EIPR1: variants seen among roughly 807,000 people sequenced by gnomAD.
EIPR1 encodes EARP and GARP complex-interacting protein 1.
In EIPR1, 25 loss-of-function variants were observed where a neutral mutation model predicts 48.1. That is an observed-to-expected ratio of 0.52 (90% CI 0.38 to 0.73). The LOEUF (loss-of-function observed/expected upper bound fraction) is 0.73, where lower values mean the gene tolerates loss of function less well. Among genes scored for constraint, EIPR1 ranks in the 30% least tolerant of loss-of-function variants. EIPR1 has a pLI of 0.00. For synonymous variants in EIPR1, 204 were observed against 201.9 expected (o/e 1.01, Z -0.09); for missense variants, 415 against 506.2 (o/e 0.82, Z 1.73).
intron 7 of EIPR1, 113 bp from the exon 8 acceptor site, chr2:3,192,694 C>T (rs984323845): frequency 4.7e-6 from 5 of 1,073,400 alleles, no homozygotes; most frequent in Non-Finnish European, 6.7e-6. Context: ...TAGGCACTGC[C>T]AGGCAATCGG....
intron 5 of EIPR1, among the ~76,000 whole-genome samples, chr2:3,198,304 C>T (rs1336248995): frequency 1.3e-5 from 2 of 152,186 alleles, no homozygotes; most frequent in Non-Finnish European, 2.9e-5. Flanking sequence ...GGTGTCCCCC[C>T]AGTCCTATGC....
chr2:3,233,591 T>C (rs1666309616), intron 4 of EIPR1, among the ~76,000 whole-genome samples: 1 of 152,380 alleles, frequency 6.6e-6, no homozygotes, highest in Non-Finnish European at 1.5e-5. Flanking sequence ...TCACAGGGTA[T>C]GTCTTCGCTG....
chr2:3,279,039 G>A (rs1353992461), intron 3 of EIPR1, among the ~76,000 whole-genome samples: 1 of 152,156 alleles, frequency 6.6e-6, no homozygotes, highest in East Asian at 1.9e-4. Context: ...CTACTTTCTG[G>A]ACAGTGACTC....
intron 1 of EIPR1, among the ~76,000 whole-genome samples, chr2:3,366,776 C>A (rs1034401678): frequency 6.6e-6 from 1 of 152,110 alleles, no homozygotes; most frequent in African/African-American, 2.4e-5. Flanking sequence ...TTCAACTGGC[C>A]GGGCGCGGTG....
intron 3 of EIPR1, among the ~76,000 whole-genome samples, chr2:3,296,324 ACC>A (rs2103286092): frequency 8.6e-6 from 1 of 116,780 alleles, no homozygotes; most frequent in Non-Finnish European, 1.7e-5. Flanking sequence ...ACACACACAC[ACC>A]CTCCATCCAG....
At chr2:3,323,167 T>C (rs1052960373) in intron 3 of EIPR1, among the ~76,000 whole-genome samples, 4 of 151,884 alleles carry the variant, frequency 2.6e-5, no homozygotes, top group African/African-American at 9.7e-5. Flanking sequence ...ATAAAAATTA[T>C]AAAATTTCAT....
chr2:3,231,289 C>T (rs914686135), intron 4 of EIPR1, among the ~76,000 whole-genome samples: 2 of 152,164 alleles, frequency 1.3e-5, no homozygotes, highest in African/African-American at 2.4e-5. Context: ...ATGTTGTCTA[C>T]AAATACTTTT....
chr2:3,270,645 A>T (rs2103244778), intron 3 of EIPR1, among the ~76,000 whole-genome samples: 1 of 152,354 alleles, frequency 6.6e-6, no homozygotes, highest in African/African-American at 2.4e-5. Context: ...ATGTCTAAAA[A>T]ACTACTGGGA....
chr2:3,327,626 G>A (rs1240489835), intron 3 of EIPR1, among the ~76,000 whole-genome samples: 2 of 142,436 alleles, frequency 1.4e-5, no homozygotes, highest in East Asian at 2.5e-4. Context: ...TCTGTGGCAA[G>A]AGTAGCTACA....
intron 1 of EIPR1, among the ~76,000 whole-genome samples, chr2:3,358,465 G>T (rs1175106148): frequency 6.6e-6 from 1 of 152,114 alleles, no homozygotes; most frequent in Non-Finnish European, 1.5e-5. Flanking sequence ...ACATTCCCAT[G>T]ATTAGACACC....
chr2:3,222,765 G>A (rs1217609569), intron 4 of EIPR1, among the ~76,000 whole-genome samples: 2 of 152,182 alleles, frequency 1.3e-5, no homozygotes, highest in Non-Finnish European at 2.9e-5. Context: ...GGGTAGATGG[G>A]TGCATGATGA....
intron 4 of EIPR1, among the ~76,000 whole-genome samples, chr2:3,242,603 G>T (rs893626079): frequency 3.9e-5 from 6 of 152,228 alleles, no homozygotes; most frequent in Non-Finnish European, 8.8e-5. Context: ...GGAAGACAGA[G>T]ATTTCAGATG....
At chr2:3,339,320 G>A (rs1670161203) in intron 2 of EIPR1, among the ~76,000 whole-genome samples, 4 of 152,128 alleles carry the variant, frequency 2.6e-5, no homozygotes, top group South Asian at 4.2e-4. Context: ...ACTAGGTCTG[G>A]GACTGACTGT....
At chr2:3,292,356 C>A (rs898764223) in intron 3 of EIPR1, among the ~76,000 whole-genome samples, 1 of 152,234 alleles carries the variant, frequency 6.6e-6, no homozygotes, top group Non-Finnish European at 1.5e-5. Context: ...CCCCCATGCT[C>A]ACCACGCTGT....
intron 5 of EIPR1, among the ~76,000 whole-genome samples, chr2:3,203,947 C>G (rs549197661): frequency 6.6e-6 from 1 of 152,184 alleles, no homozygotes; most frequent in Non-Finnish European, 1.5e-5. Context: ...CAGCCTCATG[C>G]GAGGGAGGCT....
At position 3,377,695 on chromosome 2, in the gene EIPR1, G is replaced by A. The variant is rs751588211; in HGVS notation, c.-6C>T. ...ACTGGTGCATCGTCCTCCATGCTGCGGGGAAGCGACCCGACCCCGGCCACT... is the reference window on the plus strand; with the variant it reads ...ACTGGTGCATCGTCCTCCATGCTGCAGGGAAGCGACCCGACCCCGGCCACT... On this transcript the variant is annotated 5_prime_UTR_variant, in exon 1 of 9. Coordinates refer to ENST00000382125, the MANE Select transcript of EIPR1 (RefSeq NM_003310.5). 4.4e-6 allele frequency: 7 copies of A among 1,578,168 alleles called. No homozygotes were observed. The highest frequency in any genetic ancestry group is 1.2e-5 in the South Asian group (1 of 86,242).
intron 3 of EIPR1, among the ~76,000 whole-genome samples, chr2:3,296,115 C>A (rs568896660): frequency 1.4e-5 from 2 of 141,048 alleles, no homozygotes; most frequent in South Asian, 4.8e-4. Context: ...TACACACACA[C>A]CCTCCATCCA....
intron 6 of EIPR1, 193 bp from the exon 7 acceptor site, chr2:3,194,359 C>T (rs1262922010): frequency 6.9e-6 from 4 of 578,046 alleles, no homozygotes; most frequent in African/African-American, 3.7e-5. Context: ...CCTGTGTGGT[C>T]GCACCACGCT....
chr2:3,245,830 G>A (rs1369584762), intron 4 of EIPR1, among the ~76,000 whole-genome samples: 1 of 152,234 alleles, frequency 6.6e-6, no homozygotes, highest in Non-Finnish European at 1.5e-5. Context: ...AGGCCGAAGT[G>A]GGAGGACTGC....
Sources: gnomAD v4.1 joint callset for allele counts (sites outside exome capture counted in the v4.1 genomes callset) on GRCh38, gnomAD v4.1.1 for gene constraint, MANE v1.5 for transcripts, NCBI Gene and HGNC (gene_info 2026-07-23, HGNC 2026-07-21) for gene names.